Variants in GPR12 observed in about 807,000 individuals in gnomAD.
The protein encoded by GPR12 is G protein-coupled receptor 12.
In GPR12, 7 loss-of-function variants were observed where a neutral mutation model predicts 18.9. The observed-to-expected ratio is 0.37, with a 90% CI of 0.21 to 0.70. The LOEUF is 0.70. Among genes scored for constraint, GPR12 ranks in the 30% least tolerant of loss-of-function variants. The pLI is 0.54. For synonymous variants in GPR12, 201 were observed against 188.6 expected (o/e 1.07, Z -0.54); for missense variants, 327 against 427.7 (o/e 0.76, Z 2.08).
rs187921171 is a variant in GPR12 at position 26,758,673 on chromosome 13, C to T, written c.*150G>A. The T allele has an allele frequency of 2.7e-4, 322 of 1,172,380 alleles. 1 individual carries two copies. Among genetic ancestry groups the T allele is most frequent in the Admixed American group, 6.1e-4 (21 of 34,650 alleles). 72.6% of individuals were successfully genotyped at this position (1,172,380 alleles called of 1,614,324 possible). The stretch of plus-strand genomic sequence containing the variant: ...TTATTTTCACTTCAATCACTTAACT[C>T]ATCTGAACGATGTCATTGTTTCACG... On this transcript the variant is annotated 3_prime_UTR_variant, in exon 2 of 2. Coordinates refer to ENST00000405846, the MANE Select transcript of GPR12 (RefSeq NM_005288.4).
At position 26,758,612 on chromosome 13, in the gene GPR12, C is replaced by T. The variant is rs770423995; in HGVS notation, c.*211G>A. The T allele has an allele frequency of 3.4e-4, 253 of 742,010 alleles. 1 individual carries two copies. The highest frequency in any genetic ancestry group is 4.9e-4 in the Non-Finnish European group (238 of 488,150). 46.0% of individuals were successfully genotyped at this position (742,010 alleles called of 1,614,324 possible). Reference sequence around the variant, plus strand: ...ACAAAATAATGTTGAGTGGAGAGCTCAACAATTTTTTTTAATGGTGAAAAC... The same window carrying T: ...ACAAAATAATGTTGAGTGGAGAGCTTAACAATTTTTTTTAATGGTGAAAAC... On this transcript the variant is annotated 3_prime_UTR_variant, in exon 2 of 2. Coordinates refer to ENST00000405846, the MANE Select transcript of GPR12 (RefSeq NM_005288.4).
In GPR12 at chr13:26,756,126, T is replaced by C. The variant is rs1884368956; in HGVS notation, c.*2697A>G. On this transcript the variant is annotated 3_prime_UTR_variant, in exon 2 of 2. Coordinates refer to ENST00000405846, the MANE Select transcript of GPR12 (RefSeq NM_005288.4). ...CTGAAAAATCTCTTAGCTGAAACTA[T>C]ATGTTTTAAAAACATGGGCCAAAAG... The C allele has an allele frequency of 6.6e-6, 1 of 152,348 alleles. No homozygotes were observed. The highest frequency in any genetic ancestry group is 1.9e-4 in the East Asian group (1 of 5,194). 9.4% of individuals were successfully genotyped at this position (152,348 alleles called of 1,614,324 possible).
In GPR12 at chr13:26,756,214, G is replaced by T. The variant is rs187550302; in HGVS notation, c.*2609C>A. 1 of 152,054 alleles carries T rather than the reference G, an allele frequency of 6.6e-6. No homozygotes were observed. The highest frequency in any genetic ancestry group is 6.5e-5 in the Admixed American group (1 of 15,282). The allele number at this position is 152,054 out of a possible 1,614,324, so 9.4% of individuals were successfully genotyped here. A position where few individuals can be genotyped will look rare whatever the true frequency, so the allele number is the denominator to read the frequency against. On this transcript the variant is annotated 3_prime_UTR_variant, in exon 2 of 2. Transcript: ENST00000405846. Reference sequence around the variant, plus strand: ...TATGTCCTTTTTTTTTTGAGATGGAGTCTTGCTCTGTCACCCAGGCTGGAG... The same window carrying T: ...TATGTCCTTTTTTTTTTGAGATGGATTCTTGCTCTGTCACCCAGGCTGGAG...
chr13:26,760,148 T>A (rs1425530236), intron 1 of GPR12: 2 of 260,022 alleles, frequency 7.7e-6, no homozygotes, highest in Non-Finnish European at 1.6e-5. Context: ...GCGCTGGGAA[T>A]GCACATTGGA....
rs1392541384 is a variant in GPR12, at chr13:26,757,975, C to T, written c.*848G>A. ...TTTTCTGAAAACAATCAGACAATAG[C>T]TTAAGAAACTACAATGGTGGATCTA... On this transcript the variant is annotated 3_prime_UTR_variant, in exon 2 of 2. Coordinates refer to ENST00000405846, the MANE Select transcript of GPR12 (RefSeq NM_005288.4). 1.3e-5 allele frequency: 2 copies of T among 152,068 alleles called. No homozygotes were observed. The highest frequency in any genetic ancestry group is 2.9e-5 in the Non-Finnish European group (2 of 68,014). The allele number at this position is 152,068 out of a possible 1,614,324, so 9.4% of individuals were successfully genotyped here. A position where few individuals can be genotyped will look rare whatever the true frequency, so the allele number is the denominator to read the frequency against.
Position 26,757,327 on chromosome 13 carries a change from A to G in GPR12, c.*1496T>C, listed in dbSNP as rs970964343. On this transcript the variant is annotated 3_prime_UTR_variant, in exon 2 of 2. Transcript: ENST00000405846. ...ACCCTGAAATACTGCTTTTGCTGCC[A>G]TCTGAATGGGCTCAATTAATGTGCT... 1.3e-5 allele frequency: 2 copies of G among 152,234 alleles called. No individual in the cohort carries two copies. Among genetic ancestry groups the G allele is most frequent in the South Asian group, 4.1e-4 (2 of 4,830 alleles). The allele number at this position is 152,234 out of a possible 1,614,324, so 9.4% of individuals were successfully genotyped here. A position where few individuals can be genotyped will look rare whatever the true frequency, so the allele number is the denominator to read the frequency against.
In GPR12 at chr13:26,758,834, T is replaced by C. The variant is rs1593160771; in HGVS notation, c.994A>G (p.Ser332Gly). 1 of 1,607,102 alleles carries C rather than the reference T, an allele frequency of 6.2e-7. No homozygotes were observed. The highest frequency in any genetic ancestry group is 8.5e-7 in the Non-Finnish European group (1 of 1,175,280). ...SSLAQRARSP[S>G]DV ...TGGGTGCAAGGGTGCTACACATCAC[T>C]GGGCGAGCGCGCTCTCTGGGCGAGA... The change falls in exon 2 of 2, where the codon AGT becomes GGT. Residue 332 changes from serine (S) to glycine (G), a missense_variant. Physicochemically the swap from Ser to Gly is moderately conservative, Grantham distance 56. Transcript: ENST00000405846.
chr13:26,760,056 G>T, intron 1 of GPR12: 2 of 674,106 alleles, frequency 3.0e-6, no homozygotes, highest in Non-Finnish European at 4.6e-6. Flanking sequence ...GTTTGGCATT[G>T]GGGAAAACAC....
chr13:26,759,804 A>G lies in GPR12; in HGVS notation c.24T>C (p.Asn8=). The G allele has an allele frequency of 6.3e-7, 1 of 1,593,732 alleles. No homozygotes were observed. The highest frequency in any genetic ancestry group is 8.6e-7 in the Non-Finnish European group (1 of 1,165,726). Residue 8 remains asparagine, a synonymous_variant, in exon 2 of 2, where the codon AAT becomes AAC. Transcript: ENST00000405846. ...AATAATCCCGAGGCAGCCCGCTTAA[A>G]TTGACCTTCAGGTCTTCATTCATTT... The part of the protein sequence containing the change: MNEDLKV[N]LSGLPRDYLD...
Position 26,759,678 on chromosome 13 carries a change from G to C in GPR12, c.150C>G (p.Val50=). The change falls in exon 2 of 2, where the codon GTC becomes GTG. Residue 50 remains valine, a synonymous_variant. Transcript: ENST00000405846. Reference sequence around the variant, plus strand: ...AGATGAGGGTTCCCGAGGTACACAAGACAATGTCCCAGGGGTTGACTACGA... The same window carrying C: ...AGATGAGGGTTCCCGAGGTACACAACACAATGTCCCAGGGGTTGACTACGA... ...PELVVNPWDI[V]LCTSGTLISC... 1.2e-6 allele frequency: 2 copies of C among 1,614,042 alleles called. No individual in the cohort carries two copies. The highest frequency in any genetic ancestry group is 1.7e-6 in the Non-Finnish European group (2 of 1,179,962).
rs1435992473 is a variant in GPR12, at chr13:26,760,562, G to A, written c.-16+17C>T. On this transcript the variant is annotated intron_variant, in intron 1 of 1. Transcript: ENST00000405846. Reference sequence around the variant, plus strand: ...ACAGGCGGCCCGCGGGGGCGGGGGGGTCATCGAGGGGGTCACCTTGGCTCG... The same window carrying A: ...ACAGGCGGCCCGCGGGGGCGGGGGGATCATCGAGGGGGTCACCTTGGCTCG... 2 of 150,618 alleles carry A rather than the reference G, an allele frequency of 1.3e-5. No individual in the cohort carries two copies. The highest frequency in any genetic ancestry group is 4.9e-5 in the African/African-American group (2 of 40,952). 9.3% of individuals were successfully genotyped at this position (150,618 alleles called of 1,614,324 possible).
In GPR12 at chr13:26,759,509, G is replaced by A; in HGVS notation, c.319C>T (p.Leu107Phe). The A allele has an allele frequency of 6.2e-7, 1 of 1,614,202 alleles. No homozygotes were observed. The highest frequency in any genetic ancestry group is 8.5e-7 in the Non-Finnish European group (1 of 1,180,028). ...ACCAGCTTGGTGGCTTCTGACTGAA[G>A]CAGGTAGGCAAAAACAAAATTGGTG... The part of the protein sequence containing the change: ...LITNFVFAYL[L>F]QSEATKLVTI... The change falls in exon 2 of 2, where the codon CTT becomes TTT. Residue 107 changes from leucine to phenylalanine, a missense_variant. Physicochemically the swap from Leu to Phe is conservative, Grantham distance 22. Transcript: ENST00000405846.
rs1354181889 is a variant in GPR12 at position 26,758,518 on chromosome 13, C to G, written c.*305G>C. On this transcript the variant is annotated 3_prime_UTR_variant, in exon 2 of 2. Coordinates refer to ENST00000405846, the MANE Select transcript of GPR12 (RefSeq NM_005288.4). ...TAATAACATCATGGGCGTATCATATCCCTTCCTTTCCTACCCCCAGTCAGC... is the reference window on the plus strand; with the variant it reads ...TAATAACATCATGGGCGTATCATATGCCTTCCTTTCCTACCCCCAGTCAGC... 6.1e-6 allele frequency: 2 copies of G among 326,006 alleles called. No homozygotes were observed. The highest frequency in any genetic ancestry group is 5.1e-5 in the East Asian group (1 of 19,632). The allele number at this position is 326,006 out of a possible 1,614,324, so 20.2% of individuals were successfully genotyped here. A position where few individuals can be genotyped will look rare whatever the true frequency, so the allele number is the denominator to read the frequency against.
Position 26,758,665 on chromosome 13 carries a change from A to G in GPR12, c.*158T>C. ...TGGTAACATTATTTTCACTTCAATC[A>G]CTTAACTCATCTGAACGATGTCATT... On this transcript the variant is annotated 3_prime_UTR_variant, in exon 2 of 2. Coordinates refer to ENST00000405846, the MANE Select transcript of GPR12 (RefSeq NM_005288.4). 9.1e-7 allele frequency: 1 copy of G among 1,097,924 alleles called. No homozygotes were observed. Among genetic ancestry groups the G allele is most frequent in the South Asian group, 1.9e-5 (1 of 52,306 alleles). The allele number at this position is 1,097,924 out of a possible 1,614,324, so 68.0% of individuals were successfully genotyped here.
In GPR12 at chr13:26,759,183, C is replaced by G. The variant is rs1159024647; in HGVS notation, c.645G>C (p.Gln215His). 11 of 1,613,110 alleles carry G rather than the reference C, an allele frequency of 6.8e-6. No individual in the cohort carries two copies. Among genetic ancestry groups the G allele is most frequent in the Non-Finnish European group, 8.5e-6 (10 of 1,179,954 alleles). ...SFLFMFALML[Q>H]LYIQICKIVM... ...CAATCTTACAGATCTGGATGTAGAGCTGAAGCATGAGCGCAAACATGAAGA... is the reference window on the plus strand; with the variant it reads ...CAATCTTACAGATCTGGATGTAGAGGTGAAGCATGAGCGCAAACATGAAGA... Residue 215 changes from glutamine to histidine, a missense_variant, in exon 2 of 2, where the codon CAG becomes CAC. Coordinates refer to ENST00000405846, the MANE Select transcript of GPR12 (RefSeq NM_005288.4).
At position 26,759,333 on chromosome 13, in the gene GPR12, C is replaced by T; in HGVS notation, c.495G>A (p.Trp165Ter). 1 of 1,613,458 alleles carries T rather than the reference C, an allele frequency of 6.2e-7. No individual in the cohort carries two copies. Among genetic ancestry groups the T allele is most frequent in the Non-Finnish European group, 8.5e-7 (1 of 1,180,004 alleles). Reference sequence around the variant, plus strand: ...GCAGCCCCAGGCAGATGGAGGTCCCCCAGAGCATGACGAGCATGACATAGG... The same window carrying T: ...GCAGCCCCAGGCAGATGGAGGTCCCTCAGAGCATGACGAGCATGACATAGG... Reference protein sequence around the residue: ...TFTYVMLVMLWGTSICLGLLP... With the variant: ...TFTYVMLVML The change falls in exon 2 of 2, where the codon TGG becomes TGA. Residue 165 changes from tryptophan (W) to a stop codon, truncating the protein, a stop_gained. Transcript: ENST00000405846. LOFTEE classifies it high-confidence loss of function.
chr13:26,758,942 T>C lies in GPR12; in HGVS notation c.886A>G (p.Ile296Val). The change falls in exon 2 of 2, where the codon ATC (isoleucine) becomes GTC (valine). Residue 296 changes from isoleucine (I) to valine (V), a missense_variant. Transcript: ENST00000405846. ...CTGAAAGCATATATGACAGGGTTGA[T>C]GATGGAATTGTAGGTGGCGGGCAGG... is the stretch of plus-strand genomic sequence containing the variant. Reference protein sequence around the residue: ...TLLPATYNSIINPVIYAFRNQ... With the variant: ...TLLPATYNSIVNPVIYAFRNQ... 6.2e-6 allele frequency: 10 copies of C among 1,614,004 alleles called. No individual in the cohort carries two copies. The highest frequency in any genetic ancestry group is 8.5e-6 in the Non-Finnish European group (10 of 1,180,002).
In GPR12 at chr13:26,757,709, A is replaced by G. The variant is rs911706594; in HGVS notation, c.*1114T>C. 2.6e-5 allele frequency: 4 copies of G among 152,208 alleles called. No individual in the cohort carries two copies. The highest frequency in any genetic ancestry group is 9.7e-5 in the African/African-American group (4 of 41,448). 9.4% of individuals were successfully genotyped at this position (152,208 alleles called of 1,614,324 possible). A position where few individuals can be genotyped will look rare whatever the true frequency, so the allele number is the denominator to read the frequency against. ...ACGCTGTGCACTGACAAACAAACCT[A>G]ATCATTAAAATAGGGGACTGCCTGT... On this transcript the variant is annotated 3_prime_UTR_variant, in exon 2 of 2. Transcript: ENST00000405846.
In GPR12 at chr13:26,755,446, A is replaced by G. The variant is rs1425025303; in HGVS notation, c.*3377T>C. ...CCGAAGAAGTCTCCATGATATTTTT[A>G]TTGGCACTAAGTATCTCTATTCCTC... On this transcript the variant is annotated 3_prime_UTR_variant, in exon 2 of 2. Transcript: ENST00000405846. The G allele has an allele frequency of 1.3e-5, 2 of 152,142 alleles. No individual in the cohort carries two copies. The highest frequency in any genetic ancestry group is 2.9e-5 in the Non-Finnish European group (2 of 68,024). 9.4% of individuals were successfully genotyped at this position (152,142 alleles called of 1,614,324 possible). A position where few individuals can be genotyped will look rare whatever the true frequency, so the allele number is the denominator to read the frequency against.
Sources: gnomAD v4.1 joint callset for allele counts on GRCh38, gnomAD v4.1.1 for gene constraint, MANE v1.5 for transcripts, NCBI Gene and HGNC (gene_info 2026-07-23, HGNC 2026-07-21) for gene names.